The following NOS1AP variants were observed in gnomAD, a reference collection of about 807,000 sequenced individuals.
The protein encoded by NOS1AP is carboxyl-terminal PDZ ligand of neuronal nitric oxide synthase protein.
NOS1AP carries 21 observed loss-of-function variants against 56.2 expected under a neutral mutation model. That is an observed-to-expected ratio of 0.37 (90% CI 0.26 to 0.54). The LOEUF (loss-of-function observed/expected upper bound fraction) is 0.54. Among genes scored for constraint, NOS1AP ranks in the 20% least tolerant of loss-of-function variants. NOS1AP has a pLI of 0.84. For missense variants in NOS1AP, 522 were observed against 657.8 expected, an observed-to-expected ratio of 0.79 and a Z score of 2.26; for synonymous variants, 270 against 274.6, an observed-to-expected ratio of 0.98 and a Z score of 0.17.
chr1:162,253,115 C>T (rs1056564385), intron 2 of NOS1AP, among the ~76,000 whole-genome samples: 1 of 152,188 alleles, frequency 6.6e-6, no homozygotes, highest in South Asian at 2.1e-4. Flanking sequence ...GCTTTGCCCT[C>T]TTAAATGGAT....
chr1:162,260,961 C>CAGAGGAAAAGGTGTT (rs1654191591), intron 2 of NOS1AP, among the ~76,000 whole-genome samples: 2 of 97,404 alleles, frequency 2.1e-5, no homozygotes, highest in Admixed American at 2.5e-4. Context: ...ATGATTTCCT[C>CAGAGGAAAAGGTGTT]AAAGTTTCAA....
At chr1:162,351,734 C>T (rs940513041) in intron 6 of NOS1AP, among the ~76,000 whole-genome samples, 1 of 152,190 alleles carries the variant, frequency 6.6e-6, no homozygotes, top group Non-Finnish European at 1.5e-5. Context: ...CCTATGTCTC[C>T]CCCCGACCTA....
chr1:162,325,010 A>G (rs1040182377), intron 4 of NOS1AP, among the ~76,000 whole-genome samples: 4 of 152,158 alleles, frequency 2.6e-5, no homozygotes, highest in African/African-American at 9.7e-5. Flanking sequence ...AAGTAAGGAG[A>G]CCAGTTCCAT....
At chr1:162,325,163 C>T (rs1325536714) in intron 4 of NOS1AP, among the ~76,000 whole-genome samples, 1 of 152,030 alleles carries the variant, frequency 6.6e-6, no homozygotes, top group Non-Finnish European at 1.5e-5. Context: ...TAAAAGCAAG[C>T]CAGCTGATGT....
chr1:162,226,300 A>G (rs1429628281), intron 2 of NOS1AP, among the ~76,000 whole-genome samples: 3 of 152,032 alleles, frequency 2.0e-5, no homozygotes, highest in African/African-American at 4.8e-5. Context: ...AAGAAAAGAA[A>G]TGTTTATTGA....
intron 2 of NOS1AP, among the ~76,000 whole-genome samples, chr1:162,196,294 C>G (rs1651804011): frequency 6.6e-6 from 1 of 152,168 alleles, no homozygotes; most frequent in Non-Finnish European, 1.5e-5. Context: ...CATTGGGGCT[C>G]ACCATTTAGT....
intron 1 of NOS1AP, among the ~76,000 whole-genome samples, chr1:162,077,902 CACTTCCTTCCA>C (rs1691805217): frequency 6.6e-6 from 1 of 152,162 alleles, no homozygotes; most frequent in African/African-American, 2.4e-5. Flanking sequence ...AGTCCCTGGC[CACTTCCTTCCA>C]ACTTCTGTCC....
intron 1 of NOS1AP, among the ~76,000 whole-genome samples, chr1:162,137,397 G>A (rs180678031): frequency 4.5e-4 from 69 of 151,718 alleles, no homozygotes; most frequent in Middle Eastern, 3.4e-3. Flanking sequence ...ATTGGCGTGT[G>A]CCTCTGGAAG....
chr1:162,359,142 C>T (rs1657803829), intron 8 of NOS1AP, among the ~76,000 whole-genome samples: 1 of 152,142 alleles, frequency 6.6e-6, no homozygotes, highest in African/African-American at 2.4e-5. Flanking sequence ...ATGAGCCTCT[C>T]TCGGTTCCAC....
chr1:162,151,362 G>T (rs993367817), intron 1 of NOS1AP, among the ~76,000 whole-genome samples: 1 of 152,094 alleles, frequency 6.6e-6, no homozygotes, highest in Non-Finnish European at 1.5e-5. Context: ...TTGGTTACAT[G>T]TTCTGTAGCA....
intron 2 of NOS1AP, among the ~76,000 whole-genome samples, chr1:162,160,378 G>A (rs746803322): frequency 3.9e-5 from 6 of 152,088 alleles, no homozygotes; most frequent in Non-Finnish European, 8.8e-5. Context: ...ATTCTCTCAA[G>A]AAAAACAAAA....
Position 162,230,519 on chromosome 1 carries a change from G to A in NOS1AP, c.178-56825G>A, listed in dbSNP as rs4132200. 3.6e-3 allele frequency among the ~76,000 whole-genome samples: 549 copies of A among 152,164 alleles called. 14 individuals carry two copies. Among genetic ancestry groups the A allele is most frequent in the Admixed American group, 0.028 (421 of 15,290 alleles). ...CTGGTGATACTAATTTTTAAATTTG[G>A]GTAAGATATAACATAAAATTTACCA... On this transcript the variant is annotated intron_variant, in intron 2 of 9. Coordinates refer to ENST00000361897, the MANE Select transcript of NOS1AP (RefSeq NM_014697.3).
At chr1:162,186,070 G>A (rs1571109706) in intron 2 of NOS1AP, among the ~76,000 whole-genome samples, 1 of 152,166 alleles carries the variant, frequency 6.6e-6, no homozygotes, top group East Asian at 1.9e-4. Flanking sequence ...TTTTGTAAAT[G>A]TTAAAATAAC....
intron 3 of NOS1AP, among the ~76,000 whole-genome samples, chr1:162,287,996 A>G (rs923545002): frequency 1.3e-5 from 2 of 152,024 alleles, no homozygotes; most frequent in Non-Finnish European, 2.9e-5. Flanking sequence ...GGTCGGGAGG[A>G]TGGGCAGGGG....
chr1:162,363,394 A>G (rs916324012), intron 8 of NOS1AP: 1 of 152,620 alleles, frequency 6.6e-6, no homozygotes, highest in Non-Finnish European at 1.5e-5. Context: ...ATGCCCTCCC[A>G]ACGTGCACCA....
At chr1:162,325,302 T>G (rs1470188026) in intron 4 of NOS1AP, among the ~76,000 whole-genome samples, 1 of 151,928 alleles carries the variant, frequency 6.6e-6, no homozygotes, top group African/African-American at 2.4e-5. Context: ...ATAAGATAGA[T>G]GAGGAAAAGA....
intron 2 of NOS1AP, among the ~76,000 whole-genome samples, chr1:162,286,577 G>A (rs1243495334): frequency 1.3e-5 from 2 of 152,230 alleles, no homozygotes; most frequent in Non-Finnish European, 2.9e-5. Flanking sequence ...ATGAACAAAT[G>A]TACCAGAAAG....
chr1:162,161,932 G>T (rs1650242411), intron 2 of NOS1AP, among the ~76,000 whole-genome samples: 1 of 152,106 alleles, frequency 6.6e-6, no homozygotes, highest in Non-Finnish European at 1.5e-5. Flanking sequence ...TTGCCTCTAG[G>T]GCAATTATTA....
intron 5 of NOS1AP, among the ~76,000 whole-genome samples, chr1:162,340,401 C>T (rs867128813): frequency 4.6e-5 from 7 of 152,192 alleles, no homozygotes; most frequent in Non-Finnish European, 1.0e-4. Flanking sequence ...ATCTGATGCA[C>T]AGCCTTTTGG....
Sources: allele counts gnomAD v4.1 joint callset (sites outside exome capture counted in the v4.1 genomes callset), GRCh38; gene constraint gnomAD v4.1.1; transcripts MANE v1.5; gene names NCBI Gene and HGNC (gene_info 2026-07-23, HGNC 2026-07-21).